The following TENM2 variants were observed in gnomAD, a reference collection of about 807,000 sequenced individuals.
The protein encoded by TENM2 is teneurin transmembrane protein 2, also known as teneurin-2.
In TENM2, 52 loss-of-function variants were observed where a neutral mutation model predicts 245.2. The observed-to-expected ratio is 0.21, with a 90% CI of 0.17 to 0.27. The LOEUF (loss-of-function observed/expected upper bound fraction) is 0.27, where lower values mean the gene tolerates loss of function less well. Ranked by LOEUF, TENM2 falls within the 10% of genes least tolerant of loss-of-function variation. The pLI, the probability that TENM2 is intolerant of heterozygous loss-of-function variation, is 1.00. For synonymous variants in TENM2, 1,363 were observed against 1,438.9 expected, an observed-to-expected ratio of 0.95 and a Z score of 1.19; for missense variants, 3,046 against 3,666.8, an observed-to-expected ratio of 0.83 and a Z score of 4.37.
intron 5 of TENM2, among the ~76,000 whole-genome samples, chr5:168,022,578 A>T (rs1786248782): frequency 6.6e-6 from 1 of 152,186 alleles, no homozygotes; most frequent in Non-Finnish European, 1.5e-5. Flanking sequence ...TGCTTTGTGC[A>T]TTTACAATAA....
At chr5:167,179,610 T>A in the TENM2 span, among the ~76,000 whole-genome samples, 1 of 152,148 alleles carries the variant, frequency 6.6e-6, no homozygotes, top group Non-Finnish European at 1.5e-5. Flanking sequence ...CCGCTGAATT[T>A]CTGCTTATAT....
intron 5 of TENM2, among the ~76,000 whole-genome samples, chr5:168,043,562 G>A (rs982008742): frequency 1.3e-5 from 2 of 152,178 alleles, no homozygotes; most frequent in Non-Finnish European, 2.9e-5. Flanking sequence ...AACCTAAAGG[G>A]ATGCACAGAG....
At chr5:166,995,504 G>A in the TENM2 span, among the ~76,000 whole-genome samples, 8 of 152,032 alleles carry the variant, frequency 5.3e-5, no homozygotes, top group African/African-American at 7.2e-5. Context: ...GCCTCCCAAA[G>A]TGCTGGGATT....
chr5:167,631,813 A>G (rs552312512), intron 2 of TENM2, among the ~76,000 whole-genome samples: 1 of 152,136 alleles, frequency 6.6e-6, no homozygotes, highest in African/African-American at 2.4e-5. Flanking sequence ...AGGCTAGGAC[A>G]CCTGCCACAC....
At chr5:167,084,655 C>A in the TENM2 span, among the ~76,000 whole-genome samples, 3 of 151,936 alleles carry the variant, frequency 2.0e-5, no homozygotes, top group African/African-American at 7.2e-5. Flanking sequence ...TTTTTCTCAG[C>A]TTCTATCTCC....
chr5:167,894,970 GA>G (rs1261340658), intron 3 of TENM2, among the ~76,000 whole-genome samples: 19 of 126,918 alleles, frequency 1.5e-4, no homozygotes, highest in African/African-American at 4.0e-4. Context: ...AGGAAGGAAG[GA>G]AGGAAGGAAG....
chr5:168,134,822 G>A lies in TENM2; in HGVS notation c.2422+7856G>A, dbSNP rs557368334. Among the ~76,000 whole-genome samples, 12 of 152,312 alleles carry A rather than the reference G, an allele frequency of 7.9e-5. No homozygotes were observed. The South Asian group carries it at 1.0e-3, about 13-fold the overall frequency. The stretch of plus-strand genomic sequence containing the variant: ...CACTTTTCCAAACAAAGGTTGTTCA[G>A]CAACCTGCTGGCTTCTGGTTCTTAC... On this transcript the variant is annotated intron_variant, in intron 12 of 28. Transcript: ENST00000518659.
At chr5:167,932,330 G>C (rs1475670522) in intron 3 of TENM2, among the ~76,000 whole-genome samples, 3 of 152,168 alleles carry the variant, frequency 2.0e-5, no homozygotes, top group Non-Finnish European at 2.9e-5. Flanking sequence ...CTGATTTACA[G>C]TCTGTATTTG....
At chr5:167,157,571 A>G in the TENM2 span, among the ~76,000 whole-genome samples, 1 of 152,180 alleles carries the variant, frequency 6.6e-6, no homozygotes, top group Non-Finnish European at 1.5e-5. Flanking sequence ...TTCCCTCCAG[A>G]TGTCTGGGAA....
At chr5:168,190,666 G>A in intron 14 of TENM2, 119 bp downstream of exon 16, 1 of 815,046 alleles carries the variant, frequency 1.2e-6, no homozygotes, top group East Asian at 2.7e-5. Context: ...CCCCCTAGAG[G>A]CAGCTCCCTC....
chr5:167,302,066 A>C (rs1202200825), intron 1 of TENM2, among the ~76,000 whole-genome samples: 2 of 152,056 alleles, frequency 1.3e-5, no homozygotes, highest in Admixed American at 1.3e-4. Flanking sequence ...AAGAAGGAAG[A>C]TTTGGGACAA....
intron 1 of TENM2, among the ~76,000 whole-genome samples, chr5:167,295,047 G>A (rs1754870757): frequency 6.6e-6 from 1 of 152,148 alleles, no homozygotes; most frequent in Non-Finnish European, 1.5e-5. Context: ...CATAGCACAT[G>A]GATTCTATGA....
intron 2 of TENM2, among the ~76,000 whole-genome samples, chr5:167,746,557 A>G (rs1034705508): frequency 3.3e-5 from 5 of 152,140 alleles, no homozygotes; most frequent in Non-Finnish European, 7.4e-5. Flanking sequence ...AACTGCACAT[A>G]TAATGAGAGC....
the TENM2 span, among the ~76,000 whole-genome samples, chr5:167,165,689 G>A: frequency 3.9e-5 from 6 of 151,972 alleles, no homozygotes; most frequent in African/African-American, 1.5e-4. Flanking sequence ...GACCAAGTAA[G>A]GTGTACAAAT....
intron 2 of TENM2, among the ~76,000 whole-genome samples, chr5:167,678,225 G>A (rs1756464595): frequency 1.3e-5 from 2 of 151,874 alleles, no homozygotes; most frequent in African/African-American, 4.8e-5. Flanking sequence ...TTTTTATTTT[G>A]TATTTCCTAA....
chr5:167,021,943 C>T, the TENM2 span, among the ~76,000 whole-genome samples: 1 of 152,102 alleles, frequency 6.6e-6, no homozygotes, highest in Non-Finnish European at 1.5e-5. Context: ...TATAAAAGGG[C>T]CTGACAAGAC....
At chr5:167,350,190 G>A (rs925809506) in intron 1 of TENM2, among the ~76,000 whole-genome samples, 3 of 152,072 alleles carry the variant, frequency 2.0e-5, no homozygotes, top group Non-Finnish European at 4.4e-5. Context: ...CTTCCCTTGG[G>A]TCACTTAATT....
intron 2 of TENM2, among the ~76,000 whole-genome samples, chr5:167,651,005 C>T (rs893052088): frequency 1.3e-5 from 2 of 151,996 alleles, no homozygotes; most frequent in African/African-American, 4.8e-5. Context: ...TACAAAATAG[C>T]GTGCATGTGA....
At chr5:168,091,702 T>C (rs1350406104) in intron 8 of TENM2, among the ~76,000 whole-genome samples, 1 of 152,188 alleles carries the variant, frequency 6.6e-6, no homozygotes, top group Admixed American at 6.5e-5. Flanking sequence ...ACAGTGGAAA[T>C]GGCATGGGCT....
Sources: gnomAD v4.1 joint callset for allele counts (sites outside exome capture counted in the v4.1 genomes callset) on GRCh38, gnomAD v4.1.1 for gene constraint, MANE v1.5 for transcripts, NCBI Gene and HGNC (gene_info 2026-07-23, HGNC 2026-07-21) for gene names.